EIF2AK2: variants seen among roughly 807,000 people sequenced by gnomAD.
EIF2AK2 encodes eukaryotic translation initiation factor 2 alpha kinase 2, also known as interferon-induced, double-stranded RNA-activated protein kinase.
EIF2AK2 carries 40 observed loss-of-function variants against 70.5 expected under a neutral mutation model. That is an observed-to-expected ratio of 0.57 (90% CI 0.44 to 0.74). The LOEUF (loss-of-function observed/expected upper bound fraction) is 0.74. EIF2AK2 is among the 30% of genes least tolerant of loss of function. The pLI is 0.00. For synonymous variants in EIF2AK2, 198 were observed against 220.9 expected, an observed-to-expected ratio of 0.90 and a Z score of 0.92; for missense variants, 555 against 644.3, an observed-to-expected ratio of 0.86 and a Z score of 1.50.
chr2:37,120,110 AT>A lies in EIF2AK2; in HGVS notation c.1096del (p.Met366TrpfsTer21). Reference sequence around the variant, plus strand: ...CAAGGTCCCTTTATCACAGAATTCCATTTGGATGAAAAGGCACTTAGTCTTT... The same window carrying A: ...CAAGGTCCCTTTATCACAGAATTCCATTGGATGAAAAGGCACTTAGTCTTT... ...RSKTKCLFIQMEFCDKGTLEQ... is the reference protein window; with the variant it reads ...RSKTKCLFIQXEFCDKGTLEQ... On this transcript the variant is annotated frameshift_variant, in exon 13 of 17. Transcript: ENST00000233057. LOFTEE classifies it high-confidence loss of function. 1 of 1,472,182 alleles carries A rather than the reference AT, an allele frequency of 6.8e-7. No homozygotes were observed. Among genetic ancestry groups the A allele is most frequent in the Non-Finnish European group, 9.0e-7 (1 of 1,105,034 alleles). The allele number at this position is 1,472,182 out of a possible 1,614,324, so 91.2% of individuals were successfully genotyped here.
intron 13 of EIF2AK2, among the ~76,000 whole-genome samples, chr2:37,116,407 A>C (rs868227085): frequency 1.3e-5 from 2 of 152,158 alleles, no homozygotes; most frequent in Non-Finnish European, 2.9e-5. Flanking sequence ...AAGACCACAA[A>C]AACAGGAAGG....
chr2:37,113,498 CAAAA>C (rs61174879), intron 14 of EIF2AK2, among the ~76,000 whole-genome samples: 1 of 33,056 alleles, frequency 3.0e-5, no homozygotes, highest in Admixed American at 3.6e-4. Context: ...AACTCCATCT[CAAAA>C]AAAAAAAAAA....
Position 37,103,237 on chromosome 2 carries a change from C to A in EIF2AK2, c.*4036G>T, listed in dbSNP as rs1356144112. 6.6e-6 allele frequency: 1 copy of A among 150,918 alleles called. No individual in the cohort carries two copies. The highest frequency in any genetic ancestry group is 1.5e-5 in the Non-Finnish European group (1 of 68,038). The allele number at this position is 150,918 out of a possible 1,614,324, so 9.3% of individuals were successfully genotyped here. A position where few individuals can be genotyped will look rare whatever the true frequency, so the allele number is the denominator to read the frequency against. ...TGAGACTGAGTTTTGCTCTTGTCAC[C>A]CAGGCTGGAGTGCAATGGCGTGATC... On this transcript the variant is annotated 3_prime_UTR_variant, in exon 17 of 17. Coordinates refer to ENST00000233057, the MANE Select transcript of EIF2AK2 (RefSeq NM_001135651.3).
chr2:37,126,930 C>A (rs1346475609), intron 10 of EIF2AK2, among the ~76,000 whole-genome samples: 6 of 130,326 alleles, frequency 4.6e-5, no homozygotes, highest in South Asian at 2.5e-4. Context: ...GCACTCCAGC[C>A]TGGGCGACAA....
chr2:37,154,267 G>C (rs902597795), intron 1 of EIF2AK2, among the ~76,000 whole-genome samples: 1 of 151,916 alleles, frequency 6.6e-6, no homozygotes, highest in Non-Finnish European at 1.5e-5. Context: ...GGAGGTTGCG[G>C]TGAGCTGAGA....
At chr2:37,142,344 G>A (rs1675363809) in intron 4 of EIF2AK2, among the ~76,000 whole-genome samples, 1 of 151,984 alleles carries the variant, frequency 6.6e-6, no homozygotes, top group Non-Finnish European at 1.5e-5. Flanking sequence ...TATTGCCCAG[G>A]CTGTTCTCGA....
intron 13 of EIF2AK2, among the ~76,000 whole-genome samples, chr2:37,118,584 T>C (rs557641264): frequency 4.6e-5 from 7 of 152,372 alleles, no homozygotes; most frequent in African/African-American, 1.7e-4. Context: ...TTATTTGTTA[T>C]TTAACTATAT....
At chr2:37,145,756 T>G (rs1177031097) in intron 4 of EIF2AK2, among the ~76,000 whole-genome samples, 9 of 84,328 alleles carry the variant, frequency 1.1e-4, no homozygotes, top group African/African-American at 2.3e-4. Flanking sequence ...TTTTTTTTTT[T>G]TTTTTTTTTT....
intron 13 of EIF2AK2, 32 bp from the exon 14 acceptor site, chr2:37,114,891 C>A (rs1314425009): frequency 2.8e-6 from 4 of 1,424,102 alleles, no homozygotes; most frequent in South Asian, 1.4e-5. Flanking sequence ...CTTACATGTA[C>A]CAACTTAACA....
In EIF2AK2 at chr2:37,156,628, T is replaced by A. The variant is rs142876454; in HGVS notation, c.-184+280A>T. On this transcript the variant is annotated intron_variant, in intron 1 of 16. Transcript: ENST00000233057. ...CCTGGGAAATATTTGTTACTTGCAC[T>A]GATAAAAATTCTTCACGGGAAGGAA... Among the ~76,000 whole-genome samples, 17 of 152,314 alleles carry A rather than the reference T, an allele frequency of 1.1e-4. No individual in the cohort carries two copies. In the East Asian group the frequency reaches 2.7e-3, roughly 24 times the overall value.
At chr2:37,110,480 T>C (rs1490772210) in intron 14 of EIF2AK2, among the ~76,000 whole-genome samples, 1 of 151,808 alleles carries the variant, frequency 6.6e-6, no homozygotes, top group Non-Finnish European at 1.5e-5. Context: ...AACCAAATAG[T>C]GTGAGGGCAG....
At chr2:37,111,878 A>AAATATAT (rs1553335064) in intron 14 of EIF2AK2, among the ~76,000 whole-genome samples, 1 of 69,130 alleles carries the variant, frequency 1.4e-5, no homozygotes, top group African/African-American at 6.2e-5. Flanking sequence ...AAAAAAAAAA[A>AAATATAT]ATATATATAT....
At chr2:37,123,483 G>T (rs1674625844) in intron 11 of EIF2AK2, among the ~76,000 whole-genome samples, 1 of 152,038 alleles carries the variant, frequency 6.6e-6, no homozygotes, top group Non-Finnish European at 1.5e-5. Flanking sequence ...GCCCATGCTG[G>T]TCTCAAACTC....
chr2:37,151,254 C>G (rs1217099421), intron 1 of EIF2AK2, among the ~76,000 whole-genome samples: 2 of 151,986 alleles, frequency 1.3e-5, no homozygotes, highest in Non-Finnish European at 2.9e-5. Flanking sequence ...AACAAAAAGA[C>G]AAACCACCCA....
Position 37,100,088 on chromosome 2 carries a change from A to G in EIF2AK2, c.*7185T>C, listed in dbSNP as rs1231315954. 11 of 152,204 alleles carry G rather than the reference A, an allele frequency of 7.2e-5. No homozygotes were observed. The highest frequency in any genetic ancestry group is 2.7e-4 in the African/African-American group (11 of 41,446). The allele number at this position is 152,204 out of a possible 1,614,324, so 9.4% of individuals were successfully genotyped here. Reference sequence around the variant, plus strand: ...TAAACACTACTGAATTGTATACTGTATAGGTGAATTGTATGGCATGTGAAT... The same window carrying G: ...TAAACACTACTGAATTGTATACTGTGTAGGTGAATTGTATGGCATGTGAAT... On this transcript the variant is annotated 3_prime_UTR_variant, in exon 17 of 17. Coordinates refer to ENST00000233057, the MANE Select transcript of EIF2AK2 (RefSeq NM_001135651.3).
intron 11 of EIF2AK2, among the ~76,000 whole-genome samples, chr2:37,124,522 G>C (rs1674666866): frequency 6.6e-6 from 1 of 152,082 alleles, no homozygotes; most frequent in African/African-American, 2.4e-5. Context: ...GCCTCCCAAA[G>C]TGCTGGGATT....
At chr2:37,145,909 C>T (rs1039269916) in intron 4 of EIF2AK2, among the ~76,000 whole-genome samples, 2 of 151,490 alleles carry the variant, frequency 1.3e-5, no homozygotes, top group African/African-American at 2.4e-5. Context: ...TCCACCACCA[C>T]GCCCAGCTAA....
chr2:37,127,828 C>T (rs1482364542), intron 10 of EIF2AK2, among the ~76,000 whole-genome samples: 1 of 151,770 alleles, frequency 6.6e-6, no homozygotes, highest in African/African-American at 2.4e-5. Context: ...CTGCAACCTC[C>T]ACCCTCCAGG....
chr2:37,136,976 T>C lies in EIF2AK2; in HGVS notation c.722+7A>G, dbSNP rs774089232. The C allele has an allele frequency of 5.0e-6, 8 of 1,601,778 alleles. No individual in the cohort carries two copies. Among genetic ancestry groups the C allele is most frequent in the Non-Finnish European group, 6.8e-6 (8 of 1,175,736 alleles). On this transcript the variant is annotated splice_region_variant and intron_variant, in intron 9 of 16. Coordinates refer to ENST00000233057, the MANE Select transcript of EIF2AK2 (RefSeq NM_001135651.3). ...TCAAAATATGTTCAATGCATAATGA[T>C]ACTCACCTTTTTGCCTTCCTTTGAT... is the stretch of plus-strand genomic sequence containing the variant.
Sources: allele counts gnomAD v4.1 joint callset (sites outside exome capture counted in the v4.1 genomes callset), GRCh38; gene constraint gnomAD v4.1.1; transcripts MANE v1.5; gene names NCBI Gene and HGNC (gene_info 2026-07-23, HGNC 2026-07-21).